SLC43A2: variants seen among roughly 807,000 people sequenced by gnomAD.
SLC43A2 encodes the protein large neutral amino acids transporter small subunit 4.
SLC43A2 carries 38 observed loss-of-function variants against 63.2 expected under a neutral mutation model. That is an observed-to-expected ratio of 0.60 (90% CI 0.46 to 0.79). The LOEUF is 0.79. Ranked by LOEUF, SLC43A2 falls within the 30% of genes least tolerant of loss-of-function variation. The pLI is 0.00. For missense variants in SLC43A2, 644 were observed against 756.2 expected (o/e 0.85, Z 1.74); for synonymous variants, 322 against 331.0 (o/e 0.97, Z 0.30).
chr17:1,586,927 A>AGGGCCCCC, intron 9 of SLC43A2: 1 of 1,355,944 alleles, frequency 7.4e-7, no homozygotes, highest in Non-Finnish European at 1.0e-6. Flanking sequence ...TTCCCTGACA[A>AGGGCCCCC]TCCCCCCCAC....
Position 1,575,946 on chromosome 17 carries a change from G to A in SLC43A2, c.1549-181C>T, listed in dbSNP as rs75809027. Among the ~76,000 whole-genome samples the A allele has an allele frequency of 8.9e-3, 1,359 of 152,290 alleles. 33 individuals carry two copies. The highest frequency in any genetic ancestry group is 0.03 in the African/African-American group (1,246 of 41,544). On this transcript the variant is annotated intron_variant, in intron 13 of 13. Transcript: ENST00000301335. ...GTTCCCAACTCTTCACAGGCCATGT[G>A]GCCACCCTCAGGGCCTGGGCCCCCA... is the stretch of plus-strand genomic sequence containing the variant.
Position 1,575,662 on chromosome 17 carries a change from T to A in SLC43A2, c.1652A>T (p.Glu551Val), listed in dbSNP as rs771838864. The A allele has an allele frequency of 5.6e-6, 9 of 1,613,962 alleles. No individual in the cohort carries two copies. The highest frequency in any genetic ancestry group is 1.3e-5 in the African/African-American group (1 of 75,046). Residue 551 changes from glutamate to valine, a missense_variant, in exon 14 of 14, where the codon GAG (glutamate) becomes GTG (valine). This residue lies in a region of SLC43A2 where 105 missense variants were observed against 101.7 expected (regional missense o/e 1.03). Transcript: ENST00000301335. ...GATTTTGAGGAAGAGTTTGTCATCC[T>A]CCTGCCTCTGCTGCAGCTGCCGCTC... ...QLERQLQQRQ[E>V]DDKLFLKING...
upstream of SLC43A2, among the ~76,000 whole-genome samples, chr17:1,629,916 G>C (rs565713921): frequency 3.3e-5 from 5 of 152,316 alleles, no homozygotes; most frequent in South Asian, 8.3e-4. Context: ...GAATCGCCTT[G>C]GTCACCCTGG....
intron 5 of SLC43A2, among the ~76,000 whole-genome samples, chr17:1,594,773 A>T (rs1008536002): frequency 6.6e-6 from 1 of 151,586 alleles, no homozygotes; most frequent in African/African-American, 2.4e-5. Flanking sequence ...TATTTTCAGT[A>T]GAGACGGGGT....
intron 11 of SLC43A2, among the ~76,000 whole-genome samples, chr17:1,581,263 T>C (rs1417828539): frequency 6.7e-6 from 1 of 149,914 alleles, no homozygotes; most frequent in Non-Finnish European, 1.5e-5. Flanking sequence ...CCTTGTTGCC[T>C]TTTTACAACT....
chr17:1,574,987 A>C lies in SLC43A2; in HGVS notation c.*617T>G, dbSNP rs1252687674. The C allele has an allele frequency of 6.4e-6, 1 of 155,986 alleles. No homozygotes were observed. Among genetic ancestry groups the C allele is most frequent in the Non-Finnish European group, 1.4e-5 (1 of 69,940 alleles). The allele number at this position is 155,986 out of a possible 1,614,324, so 9.7% of individuals were successfully genotyped here. ...GGCGAGGGGTCCACCCAGCCCGCTA[A>C]ACCCTCTCCAGGGCATAAGCCAGGT... On this transcript the variant is annotated 3_prime_UTR_variant, in exon 14 of 14. Transcript: ENST00000301335.
At chr17:1,618,534 G>T (rs539355077) in intron 2 of SLC43A2, among the ~76,000 whole-genome samples, 5 of 152,348 alleles carry the variant, frequency 3.3e-5, no homozygotes, top group Non-Finnish European at 7.3e-5. Context: ...AGTGGCTGTG[G>T]GGAGCACAGT....
chr17:1,598,969 G>A (rs1262052803), intron 5 of SLC43A2, among the ~76,000 whole-genome samples: 1 of 152,220 alleles, frequency 6.6e-6, no homozygotes, highest in Non-Finnish European at 1.5e-5. Flanking sequence ...TCCTTAGGGA[G>A]TAGAGTGCCT....
chr17:1,595,744 C>T (rs1037141804), intron 5 of SLC43A2, among the ~76,000 whole-genome samples: 1 of 152,026 alleles, frequency 6.6e-6, no homozygotes, highest in Non-Finnish European at 1.5e-5. Context: ...CACGCCCGGC[C>T]TTTAATTATT....
At chr17:1,591,086 G>A (rs1282444379) in intron 8 of SLC43A2, 138 bp from the exon 9 acceptor site, 9 of 1,243,204 alleles carry the variant, frequency 7.2e-6, no homozygotes, top group South Asian at 2.9e-5. Flanking sequence ...TTGGCGCTGC[G>A]GTGGGGTCAC....
intron 2 of SLC43A2, among the ~76,000 whole-genome samples, chr17:1,623,270 C>T (rs77811827): frequency 0.031 from 4,748 of 152,272 alleles, 274 homozygotes; most frequent in African/African-American, 0.11. Context: ...AGGGCGAGCT[C>T]GCAGGGACCT....
intron 5 of SLC43A2, among the ~76,000 whole-genome samples, chr17:1,603,537 C>T (rs1047639662): frequency 3.9e-5 from 6 of 152,060 alleles, no homozygotes; most frequent in African/African-American, 1.5e-4. Context: ...GTAATCCCAG[C>T]ACTTTGGGAG....
intron 3 of SLC43A2, among the ~76,000 whole-genome samples, chr17:1,615,647 T>A (rs934205620): frequency 2.0e-5 from 3 of 149,232 alleles, no homozygotes; most frequent in Non-Finnish European, 4.5e-5. Flanking sequence ...ATCGAGACCA[T>A]CCTGGCTAAC....
At position 1,587,000 on chromosome 17, in the gene SLC43A2, G is replaced by A. The variant is rs111785045; in HGVS notation, c.1079-949C>T. 37 of 1,484,730 alleles carry A rather than the reference G, an allele frequency of 2.5e-5. No individual in the cohort carries two copies. The African/African-American group carries it at 3.8e-4, about 15-fold the overall frequency. The allele number at this position is 1,484,730 out of a possible 1,614,324, so 92.0% of individuals were successfully genotyped here. A position where few individuals can be genotyped will look rare whatever the true frequency, so the allele number is the denominator to read the frequency against. On this transcript the variant is annotated intron_variant, in intron 9 of 13. Coordinates refer to ENST00000301335, the MANE Select transcript of SLC43A2 (RefSeq NM_152346.3). The stretch of plus-strand genomic sequence containing the variant: ...CAAAAGTGAAAAAGCAGAAAGAAGA[G>A]AGGTTAGTGGCAGAAATCTCAGTGC...
rs1904997879 is a variant in SLC43A2, at chr17:1,593,346, C to T, written c.502-67G>A. ...ACCAGGGAAGGGGAGGAGGAGGGGA[C>T]AGAGAACTAGGCCCCATGAGGCCCC... On this transcript the variant is annotated intron_variant, in intron 5 of 13. Transcript: ENST00000301335. The surrounding 1 kb of genome is among the most constrained non-coding windows in gnomAD (Gnocchi z 5.3). 1.4e-6 allele frequency: 2 copies of T among 1,445,694 alleles called. No homozygotes were observed. The highest frequency in any genetic ancestry group is 4.6e-5 in the East Asian group (2 of 43,388). 89.6% of individuals were successfully genotyped at this position (1,445,694 alleles called of 1,614,324 possible).
At chr17:1,587,520 C>G (rs575411274) in intron 9 of SLC43A2, among the ~76,000 whole-genome samples, 92 of 152,352 alleles carry the variant, frequency 6.0e-4, no homozygotes, top group African/African-American at 1.9e-3. Flanking sequence ...TGCTCCCCTT[C>G]CTTGGGCCAT....
At chr17:1,599,234 G>T (rs1322137897) in intron 5 of SLC43A2, among the ~76,000 whole-genome samples, 1 of 152,008 alleles carries the variant, frequency 6.6e-6, no homozygotes, top group Non-Finnish European at 1.5e-5. Flanking sequence ...CAGGTACTTG[G>T]GAGGCTGAAG....
chr17:1,576,502 C>T (rs1472349200), intron 13 of SLC43A2, 95 bp downstream of exon 13: 38 of 1,406,288 alleles, frequency 2.7e-5, no homozygotes, highest in Non-Finnish European at 3.4e-5. Flanking sequence ...CCCACATGTC[C>T]TCGGGGCCCT....
At position 1,605,355 on chromosome 17, in the gene SLC43A2, C is replaced by A; in HGVS notation, c.501+7840G>T. On this transcript the variant is annotated intron_variant, in intron 5 of 13. Transcript: ENST00000301335. This position sits in a 1 kb window ranked among gnomAD's most constrained non-coding sequence, Gnocchi z 4.9. ...CATTCTGGCCATAGAGCATGACCAC[C>A]GGACAGGAGTGCCTGCAGGGCCAAG... 6.7e-6 allele frequency: 3 copies of A among 446,816 alleles called. No homozygotes were observed. Among genetic ancestry groups the A allele is most frequent in the South Asian group, 1.5e-4 (2 of 13,344 alleles). 27.7% of individuals were successfully genotyped at this position (446,816 alleles called of 1,614,324 possible).
Sources: allele counts gnomAD v4.1 joint callset (sites outside exome capture counted in the v4.1 genomes callset), GRCh38; gene constraint gnomAD v4.1.1; regional missense constraint gnomAD v4.1.1; non-coding constraint Gnocchi (gnomAD v3.1); transcripts MANE v1.5; gene names NCBI Gene and HGNC (gene_info 2026-07-23, HGNC 2026-07-21).